The following NRXN3 variants were observed in gnomAD, a reference collection of about 807,000 sequenced individuals.
The protein encoded by NRXN3 is neurexin 3.
In NRXN3, 32 loss-of-function variants were observed where a neutral mutation model predicts 137.6. The ratio of observed to expected loss-of-function variants is 0.23; its 90% CI spans 0.18 to 0.31. The LOEUF (loss-of-function observed/expected upper bound fraction) is 0.31. Ranked by LOEUF, NRXN3 falls within the 10% of genes least tolerant of loss-of-function variation. The probability of loss-of-function intolerance (pLI) is 1.00; values close to 1 mark genes in which losing one functional copy is unlikely to be tolerated. For missense variants in NRXN3, 1,574 were observed against 2,062.5 expected (o/e 0.76, Z 4.59); for synonymous variants, 798 against 784.5 (o/e 1.02, Z -0.29).
intron 15 of NRXN3, among the ~76,000 whole-genome samples, chr14:79,070,521 A>C (rs1185991291): frequency 6.6e-6 from 1 of 152,182 alleles, no homozygotes; most frequent in African/African-American, 2.4e-5. Context: ...TTCCAGCCAC[A>C]TGCAGTGCTC....
chr14:79,076,008 C>T (rs1374967295), intron 15 of NRXN3, among the ~76,000 whole-genome samples: 2 of 152,198 alleles, frequency 1.3e-5, no homozygotes, highest in Non-Finnish European at 2.9e-5. Context: ...ACTAGTCAAG[C>T]ACCTCCTGCA....
At chr14:79,284,195 G>A (rs2081785970) in intron 15 of NRXN3, among the ~76,000 whole-genome samples, 1 of 149,180 alleles carries the variant, frequency 6.7e-6, no homozygotes, top group African/African-American at 2.5e-5. Context: ...AAGGTCATTG[G>A]ACCTTTAAGA....
chr14:79,497,790 A>G (rs1464287812), intron 16 of NRXN3, among the ~76,000 whole-genome samples: 1 of 152,190 alleles, frequency 6.6e-6, no homozygotes, highest in Non-Finnish European at 1.5e-5. Context: ...TAATCCCAGC[A>G]CTTTGGGAGG....
At chr14:79,821,420 G>C (rs1400596349) in intron 20 of NRXN3, among the ~76,000 whole-genome samples, 1 of 152,154 alleles carries the variant, frequency 6.6e-6, no homozygotes, top group Non-Finnish European at 1.5e-5. Context: ...AAGAGAACAT[G>C]CCCTCATTTA....
chr14:79,478,144 G>T (rs2096576103), intron 16 of NRXN3, among the ~76,000 whole-genome samples: 1 of 149,326 alleles, frequency 6.7e-6, no homozygotes, highest in Non-Finnish European at 1.5e-5. Context: ...ATAGGAACTT[G>T]GGAAATATAT....
At chr14:79,578,268 T>C (rs927666745) in intron 16 of NRXN3, among the ~76,000 whole-genome samples, 5 of 152,122 alleles carry the variant, frequency 3.3e-5, no homozygotes, top group African/African-American at 1.2e-4. Context: ...CCAGTTGCCC[T>C]CTCCCATGGG....
At chr14:79,437,448 T>C (rs1275438681) in intron 15 of NRXN3, among the ~76,000 whole-genome samples, 1 of 151,860 alleles carries the variant, frequency 6.6e-6, no homozygotes, top group Non-Finnish European at 1.5e-5. Context: ...TGAGAACCCA[T>C]TAAACCTCTA....
At chr14:78,781,103 G>A (rs988451301) in intron 8 of NRXN3, among the ~76,000 whole-genome samples, 1 of 152,118 alleles carries the variant, frequency 6.6e-6, no homozygotes, top group Non-Finnish European at 1.5e-5. Flanking sequence ...ACAAATGAGA[G>A]CTACATGCAA....
intron 16 of NRXN3, among the ~76,000 whole-genome samples, chr14:79,500,441 A>T (rs971179326): frequency 2.6e-5 from 4 of 152,192 alleles, no homozygotes; most frequent in Non-Finnish European, 5.9e-5. Context: ...TTAGCCCAAG[A>T]AAAGTTAGTT....
intron 17 of NRXN3, among the ~76,000 whole-genome samples, chr14:79,676,489 C>T (rs1199526305): frequency 6.6e-6 from 1 of 151,368 alleles, no homozygotes; most frequent in Non-Finnish European, 1.5e-5. Context: ...ATGAATAAGT[C>T]TAGAGATCTA....
intron 4 of NRXN3, among the ~76,000 whole-genome samples, chr14:78,596,044 C>T (rs557792901): frequency 2.6e-5 from 4 of 152,194 alleles, no homozygotes; most frequent in South Asian, 2.1e-4. Context: ...TGTTCTACGA[C>T]GCACATGACA....
chr14:78,521,358 AG>A (rs905815287), intron 4 of NRXN3, among the ~76,000 whole-genome samples: 1 of 152,234 alleles, frequency 6.6e-6, no homozygotes, highest in Non-Finnish European at 1.5e-5. Flanking sequence ...TATTCAAAAA[AG>A]ACATCTACCA....
chr14:79,724,301 A>G (rs2098866095), intron 19 of NRXN3, among the ~76,000 whole-genome samples: 1 of 152,144 alleles, frequency 6.6e-6, no homozygotes, highest in Non-Finnish European at 1.5e-5. Flanking sequence ...CTACATTTTT[A>G]GTGGTATCCT....
intron 4 of NRXN3, among the ~76,000 whole-genome samples, chr14:78,303,611 C>A (rs985436543): frequency 6.6e-6 from 1 of 152,134 alleles, no homozygotes; most frequent in Non-Finnish European, 1.5e-5. Flanking sequence ...GGCATACCCC[C>A]TCTGCCCACC....
chr14:79,630,053 A>G (rs1306192238), intron 16 of NRXN3, among the ~76,000 whole-genome samples: 1 of 152,204 alleles, frequency 6.6e-6, no homozygotes. Context: ...TGGAAACATA[A>G]TAACACAGAG....
At chr14:79,042,604 A>G (rs2099626815) in intron 15 of NRXN3, among the ~76,000 whole-genome samples, 1 of 152,232 alleles carries the variant, frequency 6.6e-6, no homozygotes, top group African/African-American at 2.4e-5. Context: ...TGTGTAATAA[A>G]TAGAATGGGA....
intron 15 of NRXN3, among the ~76,000 whole-genome samples, chr14:79,232,920 T>C (rs543838843): frequency 6.6e-6 from 1 of 152,300 alleles, no homozygotes; most frequent in South Asian, 2.1e-4. Flanking sequence ...CATACATGCA[T>C]GACTGTTTAT....
In NRXN3 at chr14:79,866,616, G is replaced by T. The variant is rs1246877403; in HGVS notation, c.*4652G>T. On this transcript the variant is annotated 3_prime_UTR_variant, in exon 21 of 21. Coordinates refer to ENST00000335750, the MANE Select transcript of NRXN3 (RefSeq NM_001330195.2). ...TTTTTGAAATCATGTCAATGAATGG[G>T]AAGAGAGAAATGGGAGAATAGCTTG... The T allele has an allele frequency of 6.6e-6, 1 of 152,210 alleles. No homozygotes were observed. The highest frequency in any genetic ancestry group is 1.5e-5 in the Non-Finnish European group (1 of 68,048). The allele number at this position is 152,210 out of a possible 1,614,324, so 9.4% of individuals were successfully genotyped here.
intron 19 of NRXN3, among the ~76,000 whole-genome samples, chr14:79,752,958 C>A (rs1327221500): frequency 2.0e-5 from 3 of 152,134 alleles, no homozygotes; most frequent in Admixed American, 2.0e-4. Context: ...AACCAAAAGA[C>A]ACATGAAAAA....
Sources: allele counts gnomAD v4.1 joint callset (sites outside exome capture counted in the v4.1 genomes callset), GRCh38; gene constraint gnomAD v4.1.1; transcripts MANE v1.5; gene names NCBI Gene and HGNC (gene_info 2026-07-23, HGNC 2026-07-21).